Variants in TNR observed in about 807,000 individuals in gnomAD.
The protein encoded by TNR is tenascin-R.
A neutral mutation model predicts 150.4 loss-of-function variants in TNR; 45 were observed. The observed-to-expected ratio is 0.30, with a 90% CI of 0.24 to 0.38. The LOEUF is 0.38. Among genes scored for constraint, TNR ranks in the 10% least tolerant of loss-of-function variants. The pLI, the probability that TNR is intolerant of heterozygous loss-of-function variation, is 1.00. For synonymous variants in TNR, 687 were observed against 678.4 expected (o/e 1.01, Z -0.20); for missense variants, 1,544 against 1,759.1 (o/e 0.88, Z 2.19).
intron 2 of TNR, among the ~76,000 whole-genome samples, chr1:175,447,820 T>C (rs538074919): frequency 7.0e-4 from 106 of 152,312 alleles, no homozygotes; most frequent in African/African-American, 2.6e-3. Flanking sequence ...ATTCCTCAGT[T>C]AATATCACCA....
intron 1 of TNR, among the ~76,000 whole-genome samples, chr1:175,549,437 G>C (rs1329156134): frequency 6.6e-6 from 1 of 152,186 alleles, no homozygotes; most frequent in Non-Finnish European, 1.5e-5. Context: ...TCTCAACACT[G>C]TGGTGGCAGA....
At chr1:175,509,152 G>A (rs568348920) in intron 2 of TNR, among the ~76,000 whole-genome samples, 24 of 152,166 alleles carry the variant, frequency 1.6e-4, no homozygotes, top group Non-Finnish European at 3.2e-4. Flanking sequence ...TGGGGCAGTT[G>A]TTTCTAGTTT....
chr1:175,622,568 A>G (rs750146905), intron 1 of TNR, among the ~76,000 whole-genome samples: 3 of 151,970 alleles, frequency 2.0e-5, no homozygotes, highest in Non-Finnish European at 4.4e-5. Context: ...TCCTTTGCCA[A>G]CTCCTACGCA....
intron 2 of TNR, among the ~76,000 whole-genome samples, chr1:175,446,574 CACAT>C (rs1483475085): frequency 6.6e-6 from 1 of 152,104 alleles, no homozygotes; most frequent in African/African-American, 2.4e-5. Flanking sequence ...TATGTACAAA[CACAT>C]ACATTATTAA....
chr1:175,530,904 T>C (rs1660039890), intron 1 of TNR, among the ~76,000 whole-genome samples: 1 of 152,198 alleles, frequency 6.6e-6, no homozygotes, highest in East Asian at 1.9e-4. Context: ...TTTTTAGTCA[T>C]TGGCAGCAAC....
chr1:175,621,249 C>G (rs1386261028), intron 1 of TNR, among the ~76,000 whole-genome samples: 1 of 152,206 alleles, frequency 6.6e-6, no homozygotes, highest in Non-Finnish European at 1.5e-5. Flanking sequence ...TATCTGCGCT[C>G]TAGCCTGAAT....
chr1:175,437,520 C>T (rs1300295947), intron 2 of TNR, among the ~76,000 whole-genome samples: 2 of 152,136 alleles, frequency 1.3e-5, no homozygotes, highest in East Asian at 1.9e-4. Flanking sequence ...CAAGAAATAA[C>T]TAAGATCAGA....
chr1:175,475,090 T>A (rs1167421825), intron 2 of TNR, among the ~76,000 whole-genome samples: 1 of 152,196 alleles, frequency 6.6e-6, no homozygotes, highest in African/African-American at 2.4e-5. Context: ...CCCCTGGATG[T>A]CCAGTGAGCT....
intron 2 of TNR, among the ~76,000 whole-genome samples, chr1:175,523,590 T>C (rs1659727873): frequency 6.6e-6 from 1 of 152,146 alleles, no homozygotes; most frequent in Admixed American, 6.5e-5. Flanking sequence ...ATAACATCTG[T>C]TTGGGTGGAT....
Position 175,337,588 on chromosome 1 carries a change from C to A in TNR, c.3474G>T (p.Gly1158=). Residue 1158 remains glycine (G), a synonymous_variant, in exon 19 of 23, where the codon GGG becomes GGT. Coordinates refer to ENST00000367674, the MANE Select transcript of TNR (RefSeq NM_003285.3). ...LSGVYPIFLN[G]ELSQKLQVYC... ...ACACTTGTAATTTCTGGCTCAGCTC[C>A]CCATTGAGGAAGATGGGGTAAACCC... The A allele has an allele frequency of 6.2e-7, 1 of 1,614,084 alleles. No homozygotes were observed. Among genetic ancestry groups the A allele is most frequent in the Non-Finnish European group, 8.5e-7 (1 of 1,180,030 alleles).
At chr1:175,333,974 C>T (rs1319114357) in intron 20 of TNR, among the ~76,000 whole-genome samples, 2 of 152,010 alleles carry the variant, frequency 1.3e-5, no homozygotes, top group Admixed American at 6.6e-5. Flanking sequence ...GGAGAGGAGT[C>T]GGGGGAAGAG....
intron 1 of TNR, among the ~76,000 whole-genome samples, chr1:175,626,503 A>G (rs1423127135): frequency 6.6e-6 from 1 of 152,034 alleles, no homozygotes; most frequent in East Asian, 1.9e-4. Flanking sequence ...CCTAACCTCA[A>G]TACCCTTTTG....
At chr1:175,517,363 C>T (rs1659457190) in intron 2 of TNR, among the ~76,000 whole-genome samples, 1 of 152,168 alleles carries the variant, frequency 6.6e-6, no homozygotes, top group East Asian at 1.9e-4. Flanking sequence ...AAAGTACACC[C>T]ATGTGCAGAT....
chr1:175,617,997 C>T (rs561176804), intron 1 of TNR, among the ~76,000 whole-genome samples: 1 of 152,328 alleles, frequency 6.6e-6, no homozygotes, highest in East Asian at 1.9e-4. Context: ...TGACTTCCTG[C>T]ATCACTCCTA....
rs1648969236 is a variant in TNR at position 175,320,307 on chromosome 1, G to C, written c.*3050C>G. The C allele has an allele frequency of 6.6e-6, 1 of 152,212 alleles. No individual in the cohort carries two copies. Among genetic ancestry groups the C allele is most frequent in the Non-Finnish European group, 1.5e-5 (1 of 68,020 alleles). The allele number at this position is 152,212 out of a possible 1,614,324, so 9.4% of individuals were successfully genotyped here. A position where few individuals can be genotyped will look rare whatever the true frequency, so the allele number is the denominator to read the frequency against. On this transcript the variant is annotated 3_prime_UTR_variant, in exon 23 of 23. Coordinates refer to ENST00000367674, the MANE Select transcript of TNR (RefSeq NM_003285.3). Reference sequence around the variant, plus strand: ...TGAGTCAAGTTGACCATAGACCTTGGGATGAGAGTGGGGCACAGTGTCTTT... The same window carrying C: ...TGAGTCAAGTTGACCATAGACCTTGCGATGAGAGTGGGGCACAGTGTCTTT...
rs781112553 is a variant in TNR, at chr1:175,324,547, G to A, written c.3794-28C>T. 4 of 1,606,884 alleles carry A rather than the reference G, an allele frequency of 2.5e-6. No individual in the cohort carries two copies. The South Asian group carries it at 3.3e-5, about 13-fold the overall frequency. ...GCAAAAAAGATACATTCATTAGGCTGTCCCATTTGTCACTGCTTTATCAGG... is the reference window on the plus strand; with the variant it reads ...GCAAAAAAGATACATTCATTAGGCTATCCCATTTGTCACTGCTTTATCAGG... On this transcript the variant is annotated intron_variant, in intron 21 of 22. Transcript: ENST00000367674.
chr1:175,380,305 A>T (rs1557897021), intron 8 of TNR, among the ~76,000 whole-genome samples: 1 of 151,382 alleles, frequency 6.6e-6, no homozygotes, highest in Non-Finnish European at 1.5e-5. Context: ...CATCTTTGGT[A>T]ATGGAACCAT....
At chr1:175,705,329 A>G (rs911995644) in intron 1 of TNR, among the ~76,000 whole-genome samples, 2 of 152,204 alleles carry the variant, frequency 1.3e-5, no homozygotes, top group African/African-American at 2.4e-5. Flanking sequence ...ATTGAATTTT[A>G]GTTTTTTTCT....
chr1:175,694,825 G>A (rs1666465313), intron 1 of TNR, among the ~76,000 whole-genome samples: 1 of 152,168 alleles, frequency 6.6e-6, no homozygotes, highest in Admixed American at 6.5e-5. Context: ...TCAAAGGAGA[G>A]GGAACTTAAA....
Sources: allele counts gnomAD v4.1 joint callset (sites outside exome capture counted in the v4.1 genomes callset), GRCh38; gene constraint gnomAD v4.1.1; transcripts MANE v1.5; gene names NCBI Gene and HGNC (gene_info 2026-07-23, HGNC 2026-07-21).